PRKDC: variants seen among roughly 807,000 people sequenced by gnomAD.
PRKDC encodes the protein DNA-dependent protein kinase catalytic subunit.
In PRKDC, 82 loss-of-function variants were observed where a neutral mutation model predicts 486.9. The ratio of observed to expected loss-of-function variants is 0.17; its 90% CI spans 0.14 to 0.20. The LOEUF (loss-of-function observed/expected upper bound fraction) is 0.20. Among genes scored for constraint, PRKDC ranks in the 10% least tolerant of loss-of-function variants. PRKDC has a pLI of 1.00. For missense variants in PRKDC, 4,504 were observed against 5,038.2 expected, an observed-to-expected ratio of 0.89 and a Z score of 3.21; for synonymous variants, 1,895 against 1,837.0, an observed-to-expected ratio of 1.03 and a Z score of -0.81.
intron 67 of PRKDC, among the ~76,000 whole-genome samples, chr8:47,818,626 A>G (rs1312711715): frequency 2.0e-5 from 3 of 151,196 alleles, no homozygotes; most frequent in Non-Finnish European, 4.4e-5. Context: ...TGATAAAGAG[A>G]TTAACATAGC....
At chr8:47,862,178 T>C (rs537680267) in intron 43 of PRKDC, 51 bp from the exon 44 acceptor site, 3 of 1,471,570 alleles carry the variant, frequency 2.0e-6, no homozygotes, top group Admixed American at 2.1e-5. Flanking sequence ...AAGATCCTCA[T>C]AATCGATGTT....
intron 85 of PRKDC, among the ~76,000 whole-genome samples, chr8:47,775,822 CT>C (rs377519551): frequency 2.2e-3 from 309 of 138,530 alleles, no homozygotes; most frequent in South Asian, 0.011. Flanking sequence ...ACTCCTATTC[CT>C]TTTTTTTTTT....
rs1296643200 is a variant in PRKDC, at chr8:47,858,878, T to C, written c.6316A>G (p.Arg2106Gly). 1.2e-6 allele frequency: 2 copies of C among 1,613,926 alleles called. No homozygotes were observed. Among genetic ancestry groups the C allele is most frequent in the African/African-American group, 1.3e-5 (1 of 75,060 alleles). ...PLTALVKHMH[R>G]SLGPPQGEED... ...TCTCCTTGAGGCGGGCCCAGGCTTC[T>C]GTGCATGTGCTTGACCAGGGCCGTC... The change falls in exon 47 of 86, where the codon AGA (arginine) becomes GGA (glycine). Residue 2106 changes from arginine (R) to glycine (G), a missense_variant. Around this residue, in one of 6 missense-constraint regions of PRKDC, gnomAD observed 1,592 missense variants for 1,724.6 expected, o/e 0.92. Coordinates refer to ENST00000314191, the MANE Select transcript of PRKDC (RefSeq NM_006904.7).
chr8:47,884,526 G>C (rs1420791395), intron 36 of PRKDC, among the ~76,000 whole-genome samples: 2 of 152,124 alleles, frequency 1.3e-5, no homozygotes, highest in South Asian at 2.1e-4. Context: ...GAGGAATTTA[G>C]GGAAGGAATA....
At chr8:47,944,992 C>T (rs908127356) in intron 7 of PRKDC, among the ~76,000 whole-genome samples, 1 of 152,212 alleles carries the variant, frequency 6.6e-6, no homozygotes, top group African/African-American at 2.4e-5. Context: ...TAAAGGCTTT[C>T]CAGATATGGT....
intron 11 of PRKDC, among the ~76,000 whole-genome samples, chr8:47,938,366 AT>A (rs776227714): frequency 2.6e-5 from 4 of 151,350 alleles, no homozygotes; most frequent in Non-Finnish European, 5.9e-5. Flanking sequence ...AGCCGAGGTC[AT>A]GCCATCGCAC....
intron 66 of PRKDC, among the ~76,000 whole-genome samples, chr8:47,820,506 A>T (rs1247369488): frequency 6.6e-6 from 1 of 152,076 alleles, no homozygotes; most frequent in Admixed American, 6.6e-5. Context: ...AAAGGCATTA[A>T]GATAAAGGAC....
At position 47,890,446 on chromosome 8, in the gene PRKDC, C is replaced by T. The variant is rs754506952; in HGVS notation, c.3882G>A (p.Val1294=). 5 of 1,574,068 alleles carry T rather than the reference C, an allele frequency of 3.2e-6. No individual in the cohort carries two copies. Among genetic ancestry groups the T allele is most frequent in the East Asian group, 2.3e-5 (1 of 42,998 alleles). The change falls in exon 32 of 86, where the codon GTG becomes GTA. Residue 1294 remains valine, a synonymous_variant. Transcript: ENST00000314191. The part of the protein sequence containing the change: ...TEAQSSLLKA[V]AFFLESIAMH... ...TGGCAATGCTTTCTAAGAAGAAAGC[C>T]ACTGCTTTCAAAAGTGAAGACTGGG... is the stretch of plus-strand genomic sequence containing the variant.
intron 73 of PRKDC, among the ~76,000 whole-genome samples, chr8:47,796,750 C>T (rs1005189593): frequency 3.3e-5 from 5 of 150,902 alleles, no homozygotes; most frequent in African/African-American, 9.9e-5. Flanking sequence ...CAGGTGCTCG[C>T]CACCACGCCC....
chr8:47,890,781 T>C (rs1485486605), intron 31 of PRKDC, among the ~76,000 whole-genome samples: 2 of 152,228 alleles, frequency 1.3e-5, no homozygotes, highest in Non-Finnish European at 2.9e-5. Context: ...AAAATATGCA[T>C]GCCAATTTCT....
At position 47,957,337 on chromosome 8, in the gene PRKDC, C is replaced by G; in HGVS notation, c.231+18G>C. ...CCAGGAATATACAAGAAAAGCAAAA[C>G]CAAAATTGTCAACTTACTTCAATAC... On this transcript the variant is annotated intron_variant, in intron 2 of 85. Transcript: ENST00000314191. 1 of 1,595,036 alleles carries G rather than the reference C, an allele frequency of 6.3e-7. No homozygotes were observed. Among genetic ancestry groups the G allele is most frequent in the South Asian group, 1.1e-5 (1 of 88,532 alleles).
intron 21 of PRKDC, among the ~76,000 whole-genome samples, chr8:47,923,903 C>G (rs2090114643): frequency 6.6e-6 from 1 of 152,168 alleles, no homozygotes; most frequent in Non-Finnish European, 1.5e-5. Context: ...CCCATTTGGA[C>G]TTGTGTCCTA....
chr8:47,822,705 G>A (rs1052193050), intron 64 of PRKDC, among the ~76,000 whole-genome samples: 8 of 152,142 alleles, frequency 5.3e-5, no homozygotes, highest in African/African-American at 1.9e-4. Flanking sequence ...CAGGAGAATG[G>A]CGTGAACCCG....
At position 47,935,034 on chromosome 8, in the gene PRKDC, C is replaced by A; in HGVS notation, c.1472G>T (p.Cys491Phe). The A allele has an allele frequency of 6.6e-7, 1 of 1,524,054 alleles. No individual in the cohort carries two copies. The highest frequency in any genetic ancestry group is 8.9e-7 in the Non-Finnish European group (1 of 1,127,646). The allele number at this position is 1,524,054 out of a possible 1,614,324, so 94.4% of individuals were successfully genotyped here. The change falls in exon 14 of 86, where the codon TGT becomes TTT. Residue 491 changes from cysteine (C) to phenylalanine (F), a missense_variant. This residue lies in a region of PRKDC where 1,969 missense variants were observed against 2,068.9 expected (regional missense o/e 0.95). Coordinates refer to ENST00000314191, the MANE Select transcript of PRKDC (RefSeq NM_006904.7). ...TVVHQGLIRI[C>F]SKPVVLPKGP... The stretch of plus-strand genomic sequence containing the variant: ...CTTTGGAAGGACCACTGGTTTAGAA[C>A]ATATTCTGATTAAACCCTGATGCAC...
At chr8:47,868,880 G>A (rs1026977909) in intron 40 of PRKDC, among the ~76,000 whole-genome samples, 2 of 152,216 alleles carry the variant, frequency 1.3e-5, no homozygotes, top group African/African-American at 4.8e-5. Context: ...GAAAAGCACA[G>A]TGACGGGGCA....
intron 35 of PRKDC, among the ~76,000 whole-genome samples, 167 bp downstream of exon 35, chr8:47,887,380 T>TA (rs1182163362): frequency 6.6e-6 from 1 of 152,156 alleles, no homozygotes; most frequent in East Asian, 1.9e-4. Flanking sequence ...TTTTTTTTTT[T>TA]AACTATTGAG....
At position 47,877,773 on chromosome 8, in the gene PRKDC, G is replaced by T; in HGVS notation, c.5314C>A (p.His1772Asn). Residue 1772 changes from histidine to asparagine, a missense_variant, in exon 40 of 86, where the codon CAT becomes AAT. This residue lies in a region of PRKDC where 1,969 missense variants were observed against 2,068.9 expected (regional missense o/e 0.95). Transcript: ENST00000314191. Reference sequence around the variant, plus strand: ...GATTGAAATAATTCTTCCATGACATGCTGCTGTTCCCGACAAAGAACTTCT... The same window carrying T: ...GATTGAAATAATTCTTCCATGACATTCTGCTGTTCCCGACAAAGAACTTCT... The part of the protein sequence containing the change: ...MTEVLCREQQ[H>N]VMEELFQSSF... 1 of 1,597,864 alleles carries T rather than the reference G, an allele frequency of 6.3e-7. No homozygotes were observed. Among genetic ancestry groups the T allele is most frequent in the Non-Finnish European group, 8.5e-7 (1 of 1,171,242 alleles).
At chr8:47,855,952 T>C (rs1303052804) in intron 49 of PRKDC, among the ~76,000 whole-genome samples, 1 of 152,168 alleles carries the variant, frequency 6.6e-6, no homozygotes, top group Non-Finnish European at 1.5e-5. Flanking sequence ...CACGGCAACC[T>C]TTCTGGCTTG....
At chr8:47,865,212 C>T (rs548862012) in intron 40 of PRKDC, among the ~76,000 whole-genome samples, 6 of 151,684 alleles carry the variant, frequency 4.0e-5, no homozygotes, top group Middle Eastern at 3.4e-3. Flanking sequence ...ATGGTGAAAC[C>T]CTGTCTCTAC....
Sources: allele counts gnomAD v4.1 joint callset (sites outside exome capture counted in the v4.1 genomes callset), GRCh38; gene constraint gnomAD v4.1.1; regional missense constraint gnomAD v4.1.1; transcripts MANE v1.5; gene names NCBI Gene and HGNC (gene_info 2026-07-23, HGNC 2026-07-21).